MED13: variants seen among roughly 807,000 people sequenced by gnomAD.
The protein encoded by MED13 is mediator complex subunit 13.
Under a neutral mutation model 225.2 loss-of-function variants are expected in MED13, and 23 were observed. The ratio of observed to expected loss-of-function variants is 0.10; its 90% CI spans 0.07 to 0.14. MED13 has a LOEUF of 0.14. Ranked by LOEUF, MED13 falls within the 10% of genes least tolerant of loss-of-function variation. MED13 has a pLI of 1.00. For synonymous variants in MED13, 942 were observed against 889.2 expected (o/e 1.06, Z -1.06); for missense variants, 2,197 against 2,594.5 (o/e 0.85, Z 3.33).
chr17:61,955,856 A>G lies in MED13; in HGVS notation c.5624-18T>C, dbSNP rs930877958. ...GCTCCAATCTGTGGGTATCAACAGT[A>G]AAAAAAAAAAAAAAAAAAAAAAAAA... On this transcript the variant is annotated intron_variant, in intron 24 of 29. Coordinates refer to ENST00000397786, the MANE Select transcript of MED13 (RefSeq NM_005121.3). 2 of 178,694 alleles carry G rather than the reference A, an allele frequency of 1.1e-5. No individual in the cohort carries two copies. Among genetic ancestry groups the G allele is most frequent in the Non-Finnish European group, 2.1e-5 (2 of 94,972 alleles). 11.1% of individuals were successfully genotyped at this position (178,694 alleles called of 1,614,324 possible).
At chr17:61,956,615 T>G (rs889514231) in intron 23 of MED13, 134 bp from the exon 24 acceptor site, 36 of 759,956 alleles carry the variant, frequency 4.7e-5, no homozygotes, top group Middle Eastern at 3.0e-4. Context: ...CTCGGCTCAC[T>G]GCAACCTCCA....
intron 15 of MED13, among the ~76,000 whole-genome samples, chr17:61,983,729 AC>A (rs2080224373): frequency 7.0e-6 from 1 of 143,170 alleles, no homozygotes; most frequent in Admixed American, 7.0e-5. Context: ...TACCCAATTA[AC>A]CTTTTTTTTT....
chr17:61,982,764 G>T lies in MED13; in HGVS notation c.3239C>A (p.Ser1080Ter). The T allele has an allele frequency of 6.2e-7, 1 of 1,614,156 alleles. No individual in the cohort carries two copies. The highest frequency in any genetic ancestry group is 1.1e-5 in the South Asian group (1 of 91,066). The change falls in exon 16 of 30, where the codon TCA becomes TAA. Residue 1080 changes from serine (S) to a stop codon, truncating the protein, a stop_gained. Coordinates refer to ENST00000397786, the MANE Select transcript of MED13 (RefSeq NM_005121.3). LOFTEE classifies it high-confidence loss of function. Reference sequence around the variant, plus strand: ...ACAGTCTTTAAACAAATTCATAACTGATTCTGAAAGGATGAGGTTTACATA... The same window carrying T: ...ACAGTCTTTAAACAAATTCATAACTTATTCTGAAAGGATGAGGTTTACATA... ...SLYVNLILSE[S>*]VMNLFKDCNF...
At chr17:62,040,259 A>G (rs2080841967) in intron 3 of MED13, among the ~76,000 whole-genome samples, 1 of 152,222 alleles carries the variant, frequency 6.6e-6, no homozygotes, top group Non-Finnish European at 1.5e-5. Flanking sequence ...TGTCACCACA[A>G]TAACAATTCG....
In MED13 at chr17:61,992,574, A is replaced by T; in HGVS notation, c.2229T>A (p.Asp743Glu). The part of the protein sequence containing the change: ...SSVTVLSHEE[D>E]AMSLFSPSIK... ...TAGAGGGACTAAATAATGACATAGC[A>T]TCTTCTTCATGTGATAACACTGTTA... is the stretch of plus-strand genomic sequence containing the variant. Residue 743 changes from aspartate (D) to glutamate (E), a missense_variant, in exon 11 of 30, where the codon GAT becomes GAA. Asp to Glu is a conservative substitution (Grantham distance 45, BLOSUM62 2). This residue lies in a region of MED13 where 884 missense variants were observed against 918.5 expected (regional missense o/e 0.96). Transcript: ENST00000397786. 6.2e-7 allele frequency: 1 copy of T among 1,612,136 alleles called. No homozygotes were observed. Among genetic ancestry groups the T allele is most frequent in the Non-Finnish European group, 8.5e-7 (1 of 1,178,462 alleles).
In MED13 at chr17:61,943,398, TGATTA is replaced by T. The variant is rs1347553590; in HGVS notation, c.*3065_*3069del. On this transcript the variant is annotated 3_prime_UTR_variant, in exon 30 of 30. Coordinates refer to ENST00000397786, the MANE Select transcript of MED13 (RefSeq NM_005121.3). The stretch of plus-strand genomic sequence containing the variant: ...GATATTACAGTATTAACATAGTGCT[TGATTA>T]AAGATCTGCAAATCTTTGTAGTAAC... The T allele has an allele frequency of 6.6e-6, 1 of 152,604 alleles. No individual in the cohort carries two copies. The highest frequency in any genetic ancestry group is 1.5e-5 in the Non-Finnish European group (1 of 68,004). The allele number at this position is 152,604 out of a possible 1,614,324, so 9.5% of individuals were successfully genotyped here.
At position 61,961,570 on chromosome 17, in the gene MED13, T is replaced by G. The variant is rs780930384; in HGVS notation, c.5256+18A>C. On this transcript the variant is annotated intron_variant, in intron 22 of 29. Transcript: ENST00000397786. ...ATGTATAGTCATTGAACTTCGGTCATGAAAAACATATACTTACATCAGGAC... is the reference window on the plus strand; with the variant it reads ...ATGTATAGTCATTGAACTTCGGTCAGGAAAAACATATACTTACATCAGGAC... 1 of 1,533,908 alleles carries G rather than the reference T, an allele frequency of 6.5e-7. No individual in the cohort carries two copies. The highest frequency in any genetic ancestry group is 1.9e-5 in the Admixed American group (1 of 52,860).
At position 61,995,338 on chromosome 17, in the gene MED13, T is replaced by C; in HGVS notation, c.1995A>G (p.Leu665=). The change falls in exon 10 of 30, where the codon TTA becomes TTG. Residue 665 remains leucine (L), a synonymous_variant. Transcript: ENST00000397786. ...GCTGCACTAATTCATCAGAAACTTT[T>C]AAAGGTTTCTTACATTGCACCATTA... ...TELMVQCKKP[L]KVSDELVQQY... 1 of 1,612,342 alleles carries C rather than the reference T, an allele frequency of 6.2e-7. No homozygotes were observed. Among genetic ancestry groups the C allele is most frequent in the Non-Finnish European group, 8.5e-7 (1 of 1,179,534 alleles).
intron 16 of MED13, among the ~76,000 whole-genome samples, chr17:61,980,501 T>C (rs1404854459): frequency 6.6e-6 from 1 of 152,214 alleles, no homozygotes; most frequent in Non-Finnish European, 1.5e-5. Flanking sequence ...CCCTCCTCTG[T>C]AGTTAGTACT....
intron 16 of MED13, among the ~76,000 whole-genome samples, chr17:61,978,095 T>C (rs2080171968): frequency 6.6e-6 from 1 of 151,996 alleles, no homozygotes; most frequent in Admixed American, 6.5e-5. Context: ...CTAATCCTCC[T>C]GCTGCTGTCA....
At chr17:62,052,418 G>A (rs1366524624) in intron 3 of MED13, 119 bp downstream of exon 3, 1 of 653,788 alleles carries the variant, frequency 1.5e-6, no homozygotes, top group East Asian at 3.2e-5. Context: ...CTAGTACTCT[G>A]TCACTGACAA....
intron 2 of MED13, among the ~76,000 whole-genome samples, chr17:62,061,535 T>C (rs1270681700): frequency 6.6e-6 from 1 of 152,196 alleles, no homozygotes; most frequent in African/African-American, 2.4e-5. Context: ...TTATCAATAA[T>C]TATGTTTTAT....
chr17:61,994,944 C>G (rs1178516152), intron 10 of MED13, among the ~76,000 whole-genome samples: 2 of 152,214 alleles, frequency 1.3e-5, no homozygotes, highest in African/African-American at 4.8e-5. Context: ...CTCCTGTCCT[C>G]AGGTGATCTG....
At chr17:62,050,431 C>T (rs1264672096) in intron 3 of MED13, among the ~76,000 whole-genome samples, 7 of 149,160 alleles carry the variant, frequency 4.7e-5, no homozygotes, top group Non-Finnish European at 1.0e-4. Flanking sequence ...AGTGTTGAGT[C>T]GGGGGAAGTA....
intron 3 of MED13, among the ~76,000 whole-genome samples, chr17:62,048,047 T>TACATATACATATAC (rs891955999): frequency 1.9e-4 from 27 of 138,536 alleles, no homozygotes; most frequent in African/African-American, 5.8e-4. Flanking sequence ...CATATACATA[T>TACATATACATATAC]ATATATATAT....
At position 61,955,854 on chromosome 17, in the gene MED13, G is replaced by GTA. The variant is rs1555630596; in HGVS notation, c.5624-18_5624-17dup. 8.3e-5 allele frequency: 21 copies of GTA among 254,540 alleles called. No homozygotes were observed. In the African/African-American group the frequency reaches 1.8e-3, roughly 21 times the overall value. The allele number at this position is 254,540 out of a possible 1,614,324, so 15.8% of individuals were successfully genotyped here. On this transcript the variant is annotated splice_polypyrimidine_tract_variant and intron_variant, in intron 24 of 29. Coordinates refer to ENST00000397786, the MANE Select transcript of MED13 (RefSeq NM_005121.3). ...CAGCTCCAATCTGTGGGTATCAACA[G>GTA]TAAAAAAAAAAAAAAAAAAAAAAAA...
intron 3 of MED13, among the ~76,000 whole-genome samples, chr17:62,039,586 G>GTTTTTTTTTT (rs1567995431): frequency 7.7e-6 from 1 of 129,930 alleles, no homozygotes; most frequent in African/African-American, 2.8e-5. Flanking sequence ...ACCCAGCCAA[G>GTTTTTTTTTT]ATTTTTTTTT....
rs757594683 is a variant in MED13, at chr17:62,010,950, G to C, written c.1567C>G (p.His523Asp). 15 of 1,612,504 alleles carry C rather than the reference G, an allele frequency of 9.3e-6. No individual in the cohort carries two copies. In the South Asian group the frequency reaches 1.4e-4, roughly 15 times the overall value. The stretch of plus-strand genomic sequence containing the variant: ...GGTGAATTTGCCATTTCGGTGCCAT[G>C]CATCTGAGGAGTCTTTGCTACATCA... ...TNDVAKTPQM[H>D]GTEMANSPQP... is the part of the protein sequence containing the mutation. The change falls in exon 9 of 30, where the codon CAT becomes GAT. Residue 523 changes from histidine (H) to aspartate (D), a missense_variant. By Grantham distance (81) the His-to-Asp change is moderately conservative. Transcript: ENST00000397786.
At chr17:61,996,439 C>T (rs1320597174) in intron 9 of MED13, among the ~76,000 whole-genome samples, 3 of 152,156 alleles carry the variant, frequency 2.0e-5, no homozygotes, top group African/African-American at 7.2e-5. Flanking sequence ...AACCAAAGTC[C>T]TTATACCATC....
Sources: gnomAD v4.1 joint callset for allele counts (sites outside exome capture counted in the v4.1 genomes callset) on GRCh38, gnomAD v4.1.1 for gene constraint, gnomAD v4.1.1 regional missense constraint, MANE v1.5 for transcripts, NCBI Gene and HGNC (gene_info 2026-07-23, HGNC 2026-07-21) for gene names.